The following DDX42 variants were observed in gnomAD, a reference collection of about 807,000 sequenced individuals.
DDX42 encodes DEAD-box helicase 42.
DDX42 carries 22 observed loss-of-function variants against 101.5 expected under a neutral mutation model. That is an observed-to-expected ratio of 0.22 (90% CI 0.15 to 0.31). The LOEUF (loss-of-function observed/expected upper bound fraction) is 0.31, where lower values mean the gene tolerates loss of function less well. DDX42 is among the 10% of genes least tolerant of loss of function. The pLI is 1.00. For missense variants in DDX42, 849 were observed against 1,199.9 expected, an observed-to-expected ratio of 0.71 and a Z score of 4.32; for synonymous variants, 402 against 401.2, an observed-to-expected ratio of 1.00 and a Z score of -0.02.
At chr17:63,798,264 G>C (rs938188019) in intron 4 of DDX42, 165 bp downstream of exon 4, 1 of 571,608 alleles carries the variant, frequency 1.7e-6, no homozygotes, top group African/African-American at 1.9e-5. Flanking sequence ...GATGGCAACA[G>C]TCTTTGCATT....
At position 63,774,270 on chromosome 17, in the gene DDX42, A is replaced by C. The variant is rs1598316294; in HGVS notation, c.-123A>C. 3 of 295,440 alleles carry C rather than the reference A, an allele frequency of 1.0e-5. No homozygotes were observed. The highest frequency in any genetic ancestry group is 1.8e-5 in the Non-Finnish European group (3 of 162,620). The allele number at this position is 295,440 out of a possible 1,614,324, so 18.3% of individuals were successfully genotyped here. On this transcript the variant is annotated 5_prime_UTR_variant, in exon 1 of 18. Transcript: ENST00000389924. ...GCGGCGGCGGCGGCGAAGGGGGCGG[A>C]GAGGAAGGAGCGCGGCGGGACCGGG...
At chr17:63,805,251 T>C in intron 7 of DDX42, 76 bp downstream of exon 7, 1 of 1,507,638 alleles carries the variant, frequency 6.6e-7, no homozygotes, top group East Asian at 2.4e-5. Context: ...TTATCTAAAC[T>C]AATAACCTTG....
At position 63,818,328 on chromosome 17, in the gene DDX42, C is replaced by T. The variant is rs2040005833; in HGVS notation, c.2747C>T (p.Thr916Ile). The stretch of plus-strand genomic sequence containing the variant: ...AAGATGGACAAGGTGGACAGCAAGA[C>T]AGATAAGACAGCTGACGGCTTTGCT... ...SSKMDKVDSK[T>I]DKTADGFAVP... Residue 916 changes from threonine (T) to isoleucine (I), a missense_variant, in exon 18 of 18, where the codon ACA becomes ATA. Coordinates refer to ENST00000389924, the MANE Select transcript of DDX42 (RefSeq NM_203499.3). 2 of 1,614,112 alleles carry T rather than the reference C, an allele frequency of 1.2e-6. No homozygotes were observed. Among genetic ancestry groups the T allele is most frequent in the African/African-American group, 1.3e-5 (1 of 75,054 alleles).
At chr17:63,800,277 T>G (rs2039746522) in intron 5 of DDX42, 191 bp from the exon 6 acceptor site, 11 of 560,746 alleles carry the variant, frequency 2.0e-5, no homozygotes, top group Non-Finnish European at 3.4e-5. Context: ...TACTAACTGT[T>G]TAATTCATTT....
At position 63,819,234 on chromosome 17, in the gene DDX42, T is replaced by G. The variant is rs2040019755; in HGVS notation, c.*836T>G. ...TAAAAAGGAAAAGAAATATACAAAC[T>G]TTGACTTTTGTGACTTTGTGAAGGT... On this transcript the variant is annotated 3_prime_UTR_variant, in exon 18 of 18. Transcript: ENST00000389924. The G allele has an allele frequency of 2.6e-5, 4 of 152,656 alleles. No homozygotes were observed. The highest frequency in any genetic ancestry group is 7.2e-5 in the African/African-American group (3 of 41,428). 9.5% of individuals were successfully genotyped at this position (152,656 alleles called of 1,614,324 possible). A position where few individuals can be genotyped will look rare whatever the true frequency, so the allele number is the denominator to read the frequency against.
rs1456527483 is a variant in DDX42, at chr17:63,815,687, A to G, written c.2013+14A>G. On this transcript the variant is annotated intron_variant, in intron 16 of 17. Transcript: ENST00000389924. ...TCTGAGAACATGGTGAGTCTAGACTACTACAGTAGTGCCTTTATAGTTGGT... is the reference window on the plus strand; with the variant it reads ...TCTGAGAACATGGTGAGTCTAGACTGCTACAGTAGTGCCTTTATAGTTGGT... 9 of 1,556,360 alleles carry G rather than the reference A, an allele frequency of 5.8e-6. No homozygotes were observed. The highest frequency in any genetic ancestry group is 7.1e-6 in the Non-Finnish European group (8 of 1,133,646).
Position 63,815,641 on chromosome 17 carries a change from A to G in DDX42, c.1981A>G (p.Arg661Gly). 1 of 1,614,006 alleles carries G rather than the reference A, an allele frequency of 6.2e-7. No individual in the cohort carries two copies. Among genetic ancestry groups the G allele is most frequent in the Non-Finnish European group, 8.5e-7 (1 of 1,179,940 alleles). Reference protein sequence around the residue: ...LNIGGGGLGYRERPGLGSENM... With the variant: ...LNIGGGGLGYGERPGLGSENM... Reference sequence around the variant, plus strand: ...CATTGGTGGAGGAGGCCTAGGCTACAGGGAGCGGCCTGGCCTGGGCTCTGA... The same window carrying G: ...CATTGGTGGAGGAGGCCTAGGCTACGGGGAGCGGCCTGGCCTGGGCTCTGA... The change falls in exon 16 of 18, where the codon AGG becomes GGG. Residue 661 changes from arginine (R) to glycine (G), a missense_variant. Physicochemically the swap from Arg to Gly is moderately radical, Grantham distance 125. This residue lies in a region of DDX42 where 86 missense variants were observed against 160.8 expected (regional missense o/e 0.53). Coordinates refer to ENST00000389924, the MANE Select transcript of DDX42 (RefSeq NM_203499.3).
chr17:63,801,656 C>T (rs772305231), intron 6 of DDX42, among the ~76,000 whole-genome samples: 5 of 150,342 alleles, frequency 3.3e-5, no homozygotes, highest in Non-Finnish European at 5.9e-5. Flanking sequence ...GATTTTACCA[C>T]GTTGGCCAGG....
intron 15 of DDX42, among the ~76,000 whole-genome samples, chr17:63,814,726 A>G (rs573975474): frequency 1.7e-5 from 2 of 120,032 alleles, no homozygotes; most frequent in East Asian, 4.8e-4. Context: ...GTCACACTCT[A>G]TCACCCAGGC....
chr17:63,799,499 G>A (rs766743124), intron 4 of DDX42, 90 bp from the exon 5 acceptor site: 6 of 1,410,594 alleles, frequency 4.3e-6, no homozygotes, highest in African/African-American at 2.8e-5. Context: ...TTCCTGTGCT[G>A]TGTGGAATTC....
chr17:63,811,803 T>G, intron 13 of DDX42, 129 bp from the exon 14 acceptor site: 1 of 1,262,094 alleles, frequency 7.9e-7, no homozygotes, highest in Admixed American at 1.9e-5. Flanking sequence ...CTTGACTTGC[T>G]GAAGGCCCAA....
intron 6 of DDX42, among the ~76,000 whole-genome samples, chr17:63,802,261 CAT>C (rs2039780291): frequency 6.6e-6 from 1 of 152,184 alleles, no homozygotes; most frequent in Non-Finnish European, 1.5e-5. Flanking sequence ...CCTTGAGCTA[CAT>C]GTCTTTTTAT....
rs535074055 is a variant in DDX42, at chr17:63,799,389, A to G, written c.435-200A>G. On this transcript the variant is annotated intron_variant, in intron 4 of 17. Coordinates refer to ENST00000389924, the MANE Select transcript of DDX42 (RefSeq NM_203499.3). Reference sequence around the variant, plus strand: ...TATCATATCATCCCATTTAAAAGAAATGCAAACTGCAGATTATAGAGTGCA... The same window carrying G: ...TATCATATCATCCCATTTAAAAGAAGTGCAAACTGCAGATTATAGAGTGCA... The G allele has an allele frequency of 4.0e-5, 18 of 447,566 alleles. No homozygotes were observed. In the East Asian group the frequency reaches 6.0e-4, roughly 15 times the overall value. 27.7% of individuals were successfully genotyped at this position (447,566 alleles called of 1,614,324 possible). A position where few individuals can be genotyped will look rare whatever the true frequency, so the allele number is the denominator to read the frequency against.
At position 63,817,962 on chromosome 17, in the gene DDX42, A is replaced by G. The variant is rs1364480467; in HGVS notation, c.2381A>G (p.Asn794Ser). The G allele has an allele frequency of 1.9e-6, 3 of 1,614,086 alleles. No homozygotes were observed. The highest frequency in any genetic ancestry group is 2.5e-6 in the Non-Finnish European group (3 of 1,180,040). The stretch of plus-strand genomic sequence containing the variant: ...GGAGTCAACAACACAGCTTCAGGGA[A>G]TAACAGCCGAGAAGGGACTGGGGGC... ...AQGVNNTASG[N>S]NSREGTGGSN... is the part of the protein sequence containing the mutation. The change falls in exon 18 of 18, where the codon AAT becomes AGT. Residue 794 changes from asparagine to serine, a missense_variant. Coordinates refer to ENST00000389924, the MANE Select transcript of DDX42 (RefSeq NM_203499.3).
intron 6 of DDX42, among the ~76,000 whole-genome samples, chr17:63,800,904 TTTC>T (rs1294482087): frequency 2.1e-4 from 4 of 18,920 alleles, no homozygotes; most frequent in African/African-American, 1.0e-3. Flanking sequence ...TTTCTCTTTC[TTTC>T]TTTTCTTTCC....
chr17:63,799,575 G>A lies in DDX42; in HGVS notation c.435-14G>A, dbSNP rs1314752486. 4.3e-6 allele frequency: 7 copies of A among 1,612,800 alleles called. No individual in the cohort carries two copies. Among genetic ancestry groups the A allele is most frequent in the African/African-American group, 1.3e-5 (1 of 74,996 alleles). ...CATTTGCAGGGAAGTTTGTTTCTCC[G>A]CTTGTTTTTCCAGGGGTATTCGAGA... On this transcript the variant is annotated splice_polypyrimidine_tract_variant and intron_variant, in intron 4 of 17. Coordinates refer to ENST00000389924, the MANE Select transcript of DDX42 (RefSeq NM_203499.3).
At position 63,774,234 on chromosome 17, in the gene DDX42, T is replaced by TGGTGGCGGTGGCGGTGGC. The variant is rs1555717967; in HGVS notation, c.-154_-153insCGGTGGCGGTGGCGGTGG. ...GCGGTGGTGGCGGTGGCGGCGGCGGTGGTGGTGGTGGCGGCGGCGGCGGCG... is the reference window on the plus strand; with the variant it reads ...GCGGTGGTGGCGGTGGCGGCGGCGGTGGTGGCGGTGGCGGTGGCGGTGGTGGTGGCGGCGGCGGCGGCG... On this transcript the variant is annotated 5_prime_UTR_variant, in exon 1 of 18. Transcript: ENST00000389924. 41 of 253,274 alleles carry TGGTGGCGGTGGCGGTGGC rather than the reference T, an allele frequency of 1.6e-4. No homozygotes were observed. Among genetic ancestry groups the TGGTGGCGGTGGCGGTGGC allele is most frequent in the Middle Eastern group, 2.1e-3 (2 of 938 alleles). 15.7% of individuals were successfully genotyped at this position (253,274 alleles called of 1,614,324 possible).
At chr17:63,779,081 CAA>C (rs2039456184) in intron 1 of DDX42, among the ~76,000 whole-genome samples, 1 of 152,086 alleles carries the variant, frequency 6.6e-6, no homozygotes, top group Non-Finnish European at 1.5e-5. Flanking sequence ...CTTTTTTAAA[CAA>C]ATACTCATTA....
chr17:63,786,990 C>G (rs2039554963), intron 1 of DDX42, 44 bp from the exon 2 acceptor site: 1 of 1,604,114 alleles, frequency 6.2e-7, no homozygotes, highest in Non-Finnish European at 8.5e-7. Context: ...GGGCTATACA[C>G]TTTTTTAAGT....
Sources: allele counts gnomAD v4.1 joint callset (sites outside exome capture counted in the v4.1 genomes callset), GRCh38; gene constraint gnomAD v4.1.1; regional missense constraint gnomAD v4.1.1; transcripts MANE v1.5; gene names NCBI Gene and HGNC (gene_info 2026-07-23, HGNC 2026-07-21).